The following USHBP1 variants were observed in gnomAD, a reference collection of about 807,000 sequenced individuals.
The protein encoded by USHBP1 is USH1 protein network component harmonin binding protein 1, also known as harmonin-binding protein USHBP1.
USHBP1 carries 67 observed loss-of-function variants against 76.2 expected under a neutral mutation model. That is an observed-to-expected ratio of 0.88 (90% CI 0.72 to 1.08). The LOEUF is 1.08. USHBP1 is among the 50% of genes least tolerant of loss of function. The pLI, the probability that USHBP1 is intolerant of heterozygous loss-of-function variation, is 0.00. For missense variants in USHBP1, 931 were observed against 915.0 expected (o/e 1.02, Z -0.23); for synonymous variants, 322 against 362.2 (o/e 0.89, Z 1.26).
In USHBP1 at chr19:17,263,002, A is replaced by C; in HGVS notation, c.204-12T>G. 6.6e-7 allele frequency: 1 copy of C among 1,508,952 alleles called. No homozygotes were observed. The highest frequency in any genetic ancestry group is 8.9e-7 in the Non-Finnish European group (1 of 1,128,716). The allele number at this position is 1,508,952 out of a possible 1,614,324, so 93.5% of individuals were successfully genotyped here. ...TCTTCTTGTCAGTCCTGTGGACACCAACTCAGGCACTTGAGTCACTCCATG... is the reference window on the plus strand; with the variant it reads ...TCTTCTTGTCAGTCCTGTGGACACCCACTCAGGCACTTGAGTCACTCCATG... On this transcript the variant is annotated splice_polypyrimidine_tract_variant and intron_variant, in intron 3 of 12. Transcript: ENST00000252597.
In USHBP1 at chr19:17,250,082, C is replaced by T; in HGVS notation, c.*143G>A. ...TTGCCTGGCCACACCCCATCAGGCC[C>T]TGGACACCCATGTGCACCAGCTTCC... On this transcript the variant is annotated 3_prime_UTR_variant, in exon 13 of 13. Coordinates refer to ENST00000252597, the MANE Select transcript of USHBP1 (RefSeq NM_031941.4). The T allele has an allele frequency of 1.1e-6, 1 of 929,860 alleles. No homozygotes were observed. The allele number at this position is 929,860 out of a possible 1,614,324, so 57.6% of individuals were successfully genotyped here.
chr19:17,255,777 GATT>G (rs1413228456), intron 9 of USHBP1, among the ~76,000 whole-genome samples, 171 bp from the exon 10 acceptor site: 1 of 152,142 alleles, frequency 6.6e-6, no homozygotes, highest in African/African-American at 2.4e-5. Context: ...AAAGTGGGTG[GATT>G]ACCTGAGGTC....
Position 17,264,241 on chromosome 19 carries a change from C to G in USHBP1, c.54+5G>C, listed in dbSNP as rs1464128910. The G allele has an allele frequency of 6.2e-7, 1 of 1,613,514 alleles. No individual in the cohort carries two copies. Among genetic ancestry groups the G allele is most frequent in the South Asian group, 1.1e-5 (1 of 90,776 alleles). ...TGGGTGTGGAGGGGAGAGGGTGACA[C>G]TTACGGGTGGAGCATGCCTCCCTCG... On this transcript the variant is annotated splice_donor_5th_base_variant and intron_variant, in intron 2 of 12. Coordinates refer to ENST00000252597, the MANE Select transcript of USHBP1 (RefSeq NM_031941.4).
At chr19:17,261,453 A>G (rs2073688066) in intron 4 of USHBP1, among the ~76,000 whole-genome samples, 1 of 146,174 alleles carries the variant, frequency 6.8e-6, no homozygotes, top group Admixed American at 7.0e-5. Context: ...CTCCTGCCTC[A>G]GCCTCCGGAG....
chr19:17,262,510 TCAGA>T (rs749121641), intron 4 of USHBP1, 38 bp downstream of exon 4: 48 of 1,560,914 alleles, frequency 3.1e-5, no homozygotes, highest in Non-Finnish European at 4.1e-5. Flanking sequence ...ACCTCCTCCC[TCAGA>T]CAGAGAGCCA....
chr19:17,257,642 CAAAAAA>C (rs778148447), intron 8 of USHBP1, among the ~76,000 whole-genome samples: 1 of 39,574 alleles, frequency 2.5e-5, no homozygotes, highest in African/African-American at 9.5e-5. Context: ...AACTCTGTCT[CAAAAAA>C]AAAAAAAAAA....
At chr19:17,256,340 C>T (rs2073618454) in intron 9 of USHBP1, 131 bp downstream of exon 9, 1 of 1,373,100 alleles carries the variant, frequency 7.3e-7, no homozygotes. Flanking sequence ...AAAACCCCAG[C>T]TCCAATTCTC....
rs2073731291 is a variant in USHBP1, at chr19:17,264,655, G to A, written c.-49+16C>T. The stretch of plus-strand genomic sequence containing the variant: ...CCTCCCCGGCCCTCCTAAATGAGAG[G>A]TTCAGCTCTCTCTACCTCTCTGATC... On this transcript the variant is annotated intron_variant, in intron 1 of 12. Transcript: ENST00000252597. The A allele has an allele frequency of 3.1e-6, 1 of 317,538 alleles. No homozygotes were observed. The allele number at this position is 317,538 out of a possible 1,614,324, so 19.7% of individuals were successfully genotyped here.
At chr19:17,254,204 G>A (rs1278212592) in intron 10 of USHBP1, among the ~76,000 whole-genome samples, 2 of 151,922 alleles carry the variant, frequency 1.3e-5, no homozygotes, top group Admixed American at 6.6e-5. Flanking sequence ...AAAATTAGCC[G>A]GGTGTGGTGG....
intron 9 of USHBP1, 30 bp from the exon 10 acceptor site, chr19:17,255,636 T>C (rs772471322): frequency 6.4e-7 from 1 of 1,573,252 alleles, no homozygotes; most frequent in Non-Finnish European, 8.6e-7. Flanking sequence ...GGAGAGAATT[T>C]ATGCTTCTAC....
chr19:17,251,514 A>G, intron 12 of USHBP1, 68 bp downstream of exon 12: 2 of 1,596,498 alleles, frequency 1.3e-6, no homozygotes, highest in South Asian at 2.2e-5. Flanking sequence ...AGAGACAGCC[A>G]GGGATACTTC....
intron 12 of USHBP1, among the ~76,000 whole-genome samples, chr19:17,250,796 C>T (rs1053326705): frequency 4.0e-5 from 6 of 151,778 alleles, no homozygotes; most frequent in African/African-American, 1.2e-4. Flanking sequence ...TCAGGTGATC[C>T]GCCTGCCTCA....
chr19:17,257,341 C>T (rs1292268679), intron 8 of USHBP1, among the ~76,000 whole-genome samples: 1 of 145,030 alleles, frequency 6.9e-6, no homozygotes, highest in African/African-American at 2.5e-5. Context: ...GAGAATCCGT[C>T]TTCATAAAAA....
chr19:17,258,181 C>T, intron 8 of USHBP1, 31 bp downstream of exon 8: 1 of 1,611,786 alleles, frequency 6.2e-7, no homozygotes, highest in Non-Finnish European at 8.5e-7. Context: ...ACTCCTCAAC[C>T]AGGCCAGTTC....
intron 9 of USHBP1, among the ~76,000 whole-genome samples, chr19:17,255,864 G>A (rs999371925): frequency 1.3e-5 from 2 of 152,114 alleles, no homozygotes; most frequent in African/African-American, 4.8e-5. Context: ...AGCCAGGTGT[G>A]GTGGTGCACA....
intron 10 of USHBP1, 71 bp from the exon 11 acceptor site, chr19:17,252,088 T>A: frequency 7.1e-7 from 1 of 1,412,962 alleles, no homozygotes; most frequent in Non-Finnish European, 9.7e-7. Context: ...CACTGGACAT[T>A]GGAGCTGCCC....
At chr19:17,250,516 T>C (rs893286347) in intron 12 of USHBP1, 102 bp from the exon 13 acceptor site, 1 of 1,309,050 alleles carries the variant, frequency 7.6e-7, no homozygotes, top group Non-Finnish European at 1.0e-6. Context: ...TCACATTGGG[T>C]CTCCAAGGGT....
chr19:17,260,898 C>A (rs1442642463), intron 4 of USHBP1, among the ~76,000 whole-genome samples: 1 of 152,190 alleles, frequency 6.6e-6, no homozygotes, highest in Admixed American at 6.5e-5. Flanking sequence ...CTCTAGCCTT[C>A]ACGCTCACAC....
At chr19:17,253,125 T>TC (rs993262960) in intron 10 of USHBP1, among the ~76,000 whole-genome samples, 2 of 151,292 alleles carry the variant, frequency 1.3e-5, no homozygotes, top group African/African-American at 4.9e-5. Flanking sequence ...CCCGCCACCA[T>TC]CCCCAGCTAA....
Sources: allele counts gnomAD v4.1 joint callset (sites outside exome capture counted in the v4.1 genomes callset), GRCh38; gene constraint gnomAD v4.1.1; transcripts MANE v1.5; gene names NCBI Gene and HGNC (gene_info 2026-07-23, HGNC 2026-07-21).